Variants in TAF2 observed in about 807,000 individuals in gnomAD.
The protein encoded by TAF2 is TATA-box binding protein associated factor 2, also known as transcription initiation factor TFIID subunit 2.
Under a neutral mutation model 138.5 loss-of-function variants are expected in TAF2, and 61 were observed. That is an observed-to-expected ratio of 0.44 (90% CI 0.36 to 0.54). TAF2 has a LOEUF of 0.54. TAF2 is among the 20% of genes least tolerant of loss of function. TAF2 has a pLI of 0.00. For missense variants in TAF2, 1,090 were observed against 1,427.9 expected, an observed-to-expected ratio of 0.76 and a Z score of 3.81; for synonymous variants, 475 against 469.9, an observed-to-expected ratio of 1.01 and a Z score of -0.14.
rs904922542 is a variant in TAF2 at position 119,762,375 on chromosome 8, A to G, written c.2558+40T>C. ...ACAAAAATAAATTTCTTTTACAGTTATAAGAACATATAACTTTAAAGTAAG... is the reference window on the plus strand; with the variant it reads ...ACAAAAATAAATTTCTTTTACAGTTGTAAGAACATATAACTTTAAAGTAAG... On this transcript the variant is annotated intron_variant, in intron 19 of 25. Coordinates refer to ENST00000378164, the MANE Select transcript of TAF2 (RefSeq NM_003184.4). 10 of 1,580,992 alleles carry G rather than the reference A, an allele frequency of 6.3e-6. No homozygotes were observed. In the South Asian group the frequency reaches 7.8e-5, roughly 12 times the overall value.
intron 2 of TAF2, among the ~76,000 whole-genome samples, chr8:119,825,158 C>T (rs143401785): frequency 6.6e-6 from 1 of 152,248 alleles, no homozygotes; most frequent in Non-Finnish European, 1.5e-5. Context: ...ACTATGGGAA[C>T]CTACCTCTTG....
intron 25 of TAF2, among the ~76,000 whole-genome samples, chr8:119,736,216 C>G (rs892176352): frequency 6.6e-6 from 1 of 152,160 alleles, no homozygotes; most frequent in Non-Finnish European, 1.5e-5. Context: ...TAGACAGTAG[C>G]CTTACACTTT....
intron 3 of TAF2, 53 bp from the exon 4 acceptor site, chr8:119,806,454 C>T (rs561404401): frequency 2.3e-6 from 3 of 1,305,374 alleles, no homozygotes; most frequent in South Asian, 2.5e-5. Context: ...TCTTACCAAG[C>T]ATTTTTCTTT....
At chr8:119,799,646 T>C (rs1234754929) in intron 6 of TAF2, among the ~76,000 whole-genome samples, 2 of 152,238 alleles carry the variant, frequency 1.3e-5, no homozygotes, top group Non-Finnish European at 2.9e-5. Context: ...GCATGATTTA[T>C]AATCCTTTGG....
chr8:119,744,709 GATAAT>G, intron 23 of TAF2: 1 of 400,172 alleles, frequency 2.5e-6, no homozygotes, highest in Non-Finnish European at 4.7e-6. Context: ...AGAATTATGT[GATAAT>G]ATAAGTTAAA....
At chr8:119,744,910 C>G (rs16893090) in intron 23 of TAF2, 6,581 of 456,134 alleles carry the variant, frequency 0.014, 373 homozygotes, top group South Asian at 0.095. Context: ...TTACTGCTAT[C>G]CTCATTCTTC....
chr8:119,828,219 C>CA (rs1826222324), intron 2 of TAF2, among the ~76,000 whole-genome samples: 1 of 152,110 alleles, frequency 6.6e-6, no homozygotes, highest in African/African-American at 2.4e-5. Context: ...ACCCTGGGTT[C>CA]AGCATGTTGA....
intron 18 of TAF2, among the ~76,000 whole-genome samples, chr8:119,773,266 A>G (rs1448114088): frequency 6.6e-6 from 1 of 151,376 alleles, no homozygotes; most frequent in East Asian, 1.9e-4. Flanking sequence ...ATACACTACC[A>G]TTTCTATTTA....
intron 3 of TAF2, among the ~76,000 whole-genome samples, chr8:119,812,110 GA>G (rs1422687247): frequency 6.6e-6 from 1 of 152,102 alleles, no homozygotes; most frequent in South Asian, 2.1e-4. Context: ...AGAGGGACAG[GA>G]AGTGGTTTGA....
At chr8:119,792,566 T>C (rs1823515608) in intron 10 of TAF2, among the ~76,000 whole-genome samples, 1 of 152,192 alleles carries the variant, frequency 6.6e-6, no homozygotes, top group African/African-American at 2.4e-5. Flanking sequence ...TGTATCAAAC[T>C]ACACTCTCAC....
intron 18 of TAF2, among the ~76,000 whole-genome samples, chr8:119,766,687 A>T (rs1306349798): frequency 6.6e-6 from 1 of 152,054 alleles, no homozygotes; most frequent in Non-Finnish European, 1.5e-5. Context: ...TACAAAAATT[A>T]GCTGAGCATG....
intron 3 of TAF2, among the ~76,000 whole-genome samples, chr8:119,810,989 C>A (rs560740560): frequency 7.9e-5 from 12 of 152,232 alleles, no homozygotes; most frequent in African/African-American, 2.4e-4. Flanking sequence ...ATACACAAAT[C>A]AAATGTTTTC....
chr8:119,763,367 T>C (rs1238617522), intron 18 of TAF2, among the ~76,000 whole-genome samples: 1 of 152,216 alleles, frequency 6.6e-6, no homozygotes, highest in Non-Finnish European at 1.5e-5. Flanking sequence ...CAGAAAACAA[T>C]CATGTGACTT....
rs150958849 is a variant in TAF2 at position 119,793,404 on chromosome 8, T to C, written c.1239A>G (p.Leu413=). ...TTCCTCCACCAAATATGGGATGTAG[T>C]AAAACCCCACCAGTTTTTAGTTCAT... ...VAYELKTGGV[L]LHPIFGGGKE... The change falls in exon 10 of 26, where the codon TTA becomes TTG. Residue 413 remains leucine (L), a synonymous_variant. Coordinates refer to ENST00000378164, the MANE Select transcript of TAF2 (RefSeq NM_003184.4). 147 of 1,613,060 alleles carry C rather than the reference T, an allele frequency of 9.1e-5. No homozygotes were observed. The highest frequency in any genetic ancestry group is 4.9e-4 in the Middle Eastern group (3 of 6,076).
chr8:119,778,893 A>C (rs898225039), intron 17 of TAF2, among the ~76,000 whole-genome samples: 3 of 152,214 alleles, frequency 2.0e-5, no homozygotes, highest in African/African-American at 7.2e-5. Context: ...AGTCTTTAGC[A>C]CATGGCGAGA....
At chr8:119,789,481 A>C in intron 12 of TAF2, 111 bp downstream of exon 12, 1 of 1,287,054 alleles carries the variant, frequency 7.8e-7, no homozygotes, top group Non-Finnish European at 1.1e-6. Context: ...TAGAAATATA[A>C]ACAGTTCATA....
chr8:119,802,933 G>A (rs907678116), intron 5 of TAF2, among the ~76,000 whole-genome samples: 5 of 151,974 alleles, frequency 3.3e-5, no homozygotes, highest in South Asian at 2.1e-4. Flanking sequence ...AAGATATGAC[G>A]AAACCTGATC....
intron 6 of TAF2, among the ~76,000 whole-genome samples, chr8:119,799,991 A>AT (rs1203530716): frequency 2.0e-5 from 3 of 151,782 alleles, no homozygotes; most frequent in Admixed American, 2.0e-4. Flanking sequence ...CCATTTTTTG[A>AT]TGGGGTTGTT....
At chr8:119,813,509 T>C (rs187303061) in intron 3 of TAF2, among the ~76,000 whole-genome samples, 17 of 152,342 alleles carry the variant, frequency 1.1e-4, no homozygotes, top group Admixed American at 9.8e-4. Flanking sequence ...TACTGGAATG[T>C]ATATACTGAT....
Sources: allele counts gnomAD v4.1 joint callset (sites outside exome capture counted in the v4.1 genomes callset), GRCh38; gene constraint gnomAD v4.1.1; transcripts MANE v1.5; gene names NCBI Gene and HGNC (gene_info 2026-07-23, HGNC 2026-07-21).